The following MAF variants were observed in gnomAD, a reference collection of about 807,000 sequenced individuals.
MAF encodes the protein transcription factor Maf.
In MAF, 10 loss-of-function variants were observed where a neutral mutation model predicts 22.0. The observed-to-expected ratio is 0.45, with a 90% CI of 0.28 to 0.77. MAF has a LOEUF of 0.77. Among genes scored for constraint, MAF ranks in the 30% least tolerant of loss-of-function variants. The probability of loss-of-function intolerance (pLI) is 0.12; values close to 1 mark genes in which losing one functional copy is unlikely to be tolerated. For missense variants in MAF, 544 were observed against 548.4 expected, an observed-to-expected ratio of 0.99 and a Z score of 0.08; for synonymous variants, 337 against 255.8, an observed-to-expected ratio of 1.32 and a Z score of -3.03.
At chr16:79,503,285 G>A in the MAF span, among the ~76,000 whole-genome samples, 5 of 152,064 alleles carry the variant, frequency 3.3e-5, no homozygotes, top group East Asian at 1.9e-4. Flanking sequence ...CTCCAGAAAC[G>A]ATGCTAAGTA....
the MAF span, among the ~76,000 whole-genome samples, chr16:79,399,922 C>T: frequency 6.6e-6 from 1 of 152,208 alleles, no homozygotes; most frequent in African/African-American, 2.4e-5. Context: ...AGTCGAAGCT[C>T]ACGTGGGTTA....
chr16:79,520,997 A>T, the MAF span, among the ~76,000 whole-genome samples: 1 of 152,210 alleles, frequency 6.6e-6, no homozygotes, highest in African/African-American at 2.4e-5. Context: ...CTTACCCAAG[A>T]TCATTCTGTT....
the MAF span, among the ~76,000 whole-genome samples, chr16:79,397,166 G>A: frequency 6.6e-6 from 1 of 152,180 alleles, no homozygotes; most frequent in East Asian, 1.9e-4. Flanking sequence ...ACAACCTACT[G>A]TTTGAATTAA....
At chr16:79,296,405 C>G in the MAF span, among the ~76,000 whole-genome samples, 2 of 152,070 alleles carry the variant, frequency 1.3e-5, no homozygotes, top group Non-Finnish European at 2.9e-5. Context: ...GGATAAATAG[C>G]TAATGCATGC....
At chr16:79,529,016 G>A in the MAF span, among the ~76,000 whole-genome samples, 1 of 152,234 alleles carries the variant, frequency 6.6e-6, no homozygotes, top group Admixed American at 6.5e-5. Flanking sequence ...AGGAGCTCGA[G>A]CTGTCAGGAG....
chr16:79,230,307 C>G, the MAF span, among the ~76,000 whole-genome samples: 1 of 152,100 alleles, frequency 6.6e-6, no homozygotes, highest in Admixed American at 6.6e-5. Flanking sequence ...GTGGGTGCCT[C>G]CAGCAGTGAC....
At chr16:79,548,361 C>G in the MAF span, among the ~76,000 whole-genome samples, 2 of 151,982 alleles carry the variant, frequency 1.3e-5, no homozygotes, top group Admixed American at 1.3e-4. Flanking sequence ...TCAGCATAAA[C>G]AAACCATAAA....
At chr16:79,527,449 T>C in the MAF span, among the ~76,000 whole-genome samples, 1 of 152,174 alleles carries the variant, frequency 6.6e-6, no homozygotes, top group African/African-American at 2.4e-5. Flanking sequence ...GCCCAGAGGA[T>C]AAATTCCCAC....
At chr16:79,507,681 T>A in the MAF span, among the ~76,000 whole-genome samples, 1 of 152,266 alleles carries the variant, frequency 6.6e-6, no homozygotes, top group Admixed American at 6.5e-5. Context: ...CGCCTCGGTC[T>A]CCCAAAGTGC....
the MAF span, among the ~76,000 whole-genome samples, chr16:79,279,409 G>T: frequency 6.6e-6 from 1 of 152,232 alleles, no homozygotes; most frequent in African/African-American, 2.4e-5. Context: ...GTAAAGGTTA[G>T]TGGCTCTGAG....
chr16:79,422,636 G>GT, the MAF span, among the ~76,000 whole-genome samples: 1 of 152,132 alleles, frequency 6.6e-6, no homozygotes, highest in African/African-American at 2.4e-5. Flanking sequence ...GTAGCTGCTA[G>GT]TTTTATTCAT....
chr16:79,327,923 G>C, the MAF span, among the ~76,000 whole-genome samples: 5 of 152,192 alleles, frequency 3.3e-5, no homozygotes, highest in African/African-American at 1.2e-4. Context: ...AATCCTGCTA[G>C]GTGCCAACCA....
the MAF span, among the ~76,000 whole-genome samples, chr16:79,367,028 G>T: frequency 6.6e-6 from 1 of 151,156 alleles, no homozygotes; most frequent in South Asian, 2.1e-4. Flanking sequence ...AAAACTCAAG[G>T]TTTTTTTTTC....
the MAF span, among the ~76,000 whole-genome samples, chr16:79,440,434 TTTC>T: frequency 1.3e-5 from 2 of 152,172 alleles, no homozygotes; most frequent in East Asian, 3.9e-4. Context: ...TTCTTTCTTC[TTTC>T]TTCTTTTTTT....
chr16:79,414,040 C>A, the MAF span, among the ~76,000 whole-genome samples: 1 of 152,152 alleles, frequency 6.6e-6, no homozygotes, highest in African/African-American at 2.4e-5. Context: ...CTTCCTGTAC[C>A]TTTTAGGTCA....
At chr16:79,345,045 A>G in the MAF span, among the ~76,000 whole-genome samples, 1 of 152,204 alleles carries the variant, frequency 6.6e-6, no homozygotes, top group South Asian at 2.1e-4. Flanking sequence ...AAGGAATAAT[A>G]ATAGGAATAT....
At chr16:79,389,314 T>A in the MAF span, among the ~76,000 whole-genome samples, 1 of 152,144 alleles carries the variant, frequency 6.6e-6, no homozygotes, top group Admixed American at 6.5e-5. Context: ...CAGGCTGGAG[T>A]GCAGTGGCAC....
the MAF span, among the ~76,000 whole-genome samples, chr16:79,395,822 A>G: frequency 6.6e-6 from 1 of 152,302 alleles, no homozygotes; most frequent in Non-Finnish European, 1.5e-5. Context: ...AGGGAACTCA[A>G]ACAGTAGGGA....
chr16:79,348,911 G>C, the MAF span, among the ~76,000 whole-genome samples: 1 of 152,142 alleles, frequency 6.6e-6, no homozygotes, highest in Admixed American at 6.5e-5. Context: ...GACCCAGCTG[G>C]TTGACCTCAA....
Sources: gnomAD v4.1 joint callset for allele counts (sites outside exome capture counted in the v4.1 genomes callset) on GRCh38, gnomAD v4.1.1 for gene constraint, MANE v1.5 for transcripts, NCBI Gene and HGNC (gene_info 2026-07-23, HGNC 2026-07-21) for gene names.